Variants in DPP10 observed in about 807,000 individuals in gnomAD.
The protein encoded by DPP10 is inactive dipeptidyl peptidase 10.
Under a neutral mutation model 120.9 loss-of-function variants are expected in DPP10, and 33 were observed. That is an observed-to-expected ratio of 0.27 (90% CI 0.21 to 0.37). DPP10 has a LOEUF of 0.37. Ranked by LOEUF, DPP10 falls within the 10% of genes least tolerant of loss-of-function variation. DPP10 has a pLI of 1.00. For missense variants in DPP10, 816 were observed against 942.8 expected (o/e 0.87, Z 1.76); for synonymous variants, 337 against 326.1 (o/e 1.03, Z -0.36).
intron 1 of DPP10, among the ~76,000 whole-genome samples, chr2:115,207,483 G>A (rs182627398): frequency 2.1e-3 from 279 of 134,658 alleles, no homozygotes; most frequent in African/African-American, 7.3e-3. Context: ...AAACCGTTTA[G>A]TCAAATGTTT....
intron 1 of DPP10, among the ~76,000 whole-genome samples, chr2:115,003,011 G>A (rs755703919): frequency 6.6e-6 from 1 of 151,786 alleles, no homozygotes; most frequent in African/African-American, 2.4e-5. Flanking sequence ...TCATTACTGG[G>A]TATATACTCA....
At chr2:115,430,138 G>A (rs1482150554) in intron 3 of DPP10, among the ~76,000 whole-genome samples, 1 of 152,096 alleles carries the variant, frequency 6.6e-6, no homozygotes, top group East Asian at 1.9e-4. Context: ...GAGTGGATTT[G>A]GAACCGATTT....
chr2:115,788,455 A>G (rs1683577737), intron 17 of DPP10, among the ~76,000 whole-genome samples: 1 of 152,204 alleles, frequency 6.6e-6, no homozygotes, highest in African/African-American at 2.4e-5. Flanking sequence ...AATGTATGAA[A>G]CCAAAAGTTG....
chr2:114,704,707 T>C (rs1700583528), intron 1 of DPP10, among the ~76,000 whole-genome samples: 1 of 152,186 alleles, frequency 6.6e-6, no homozygotes, highest in Non-Finnish European at 1.5e-5. Flanking sequence ...ATGTGAAGTA[T>C]ACCTACAGGG....
chr2:114,818,034 C>G (rs1014418704), intron 1 of DPP10, among the ~76,000 whole-genome samples: 2 of 151,882 alleles, frequency 1.3e-5, no homozygotes, highest in East Asian at 1.9e-4. Context: ...AGAAACATTC[C>G]GAACTAAGGA....
intron 1 of DPP10, among the ~76,000 whole-genome samples, chr2:114,683,779 C>A (rs1699189300): frequency 6.6e-6 from 1 of 151,818 alleles, no homozygotes; most frequent in Admixed American, 6.6e-5. Flanking sequence ...CTTTCCCCTG[C>A]CATCCTAGCT....
In DPP10 at chr2:115,836,147, T is replaced by A; in HGVS notation, c.1951-10T>A. The A allele has an allele frequency of 6.9e-7, 1 of 1,456,676 alleles. No individual in the cohort carries two copies. Among genetic ancestry groups the A allele is most frequent in the Non-Finnish European group, 9.2e-7 (1 of 1,081,516 alleles). The allele number at this position is 1,456,676 out of a possible 1,614,324, so 90.2% of individuals were successfully genotyped here. A position where few individuals can be genotyped will look rare whatever the true frequency, so the allele number is the denominator to read the frequency against. On this transcript the variant is annotated splice_polypyrimidine_tract_variant and intron_variant, in intron 21 of 25. Coordinates refer to ENST00000410059, the MANE Select transcript of DPP10 (RefSeq NM_020868.6). ...ATATATATATATATATATATATTTT[T>A]CCCCCCCAGGGTTATGGTGGCTATA...
rs149800047 is a variant in DPP10 at position 114,858,083 on chromosome 2, G to A, written c.60+415245G>A. ...CAGCTCACTGTAACCTCCACCTCCCGGGTTCAAGCAGTTCTCCTGCCTCAG... is the reference window on the plus strand; with the variant it reads ...CAGCTCACTGTAACCTCCACCTCCCAGGTTCAAGCAGTTCTCCTGCCTCAG... On this transcript the variant is annotated intron_variant, in intron 1 of 25. Coordinates refer to ENST00000410059, the MANE Select transcript of DPP10 (RefSeq NM_020868.6). Among the ~76,000 whole-genome samples the A allele has an allele frequency of 3.0e-4, 46 of 152,172 alleles. 1 individual carries two copies. The East Asian group carries it at 5.6e-3, about 19-fold the overall frequency.
chr2:114,573,760 C>A (rs1384435699), intron 1 of DPP10, among the ~76,000 whole-genome samples: 1 of 152,222 alleles, frequency 6.6e-6, no homozygotes, highest in African/African-American at 2.4e-5. Flanking sequence ...ATAGCTAATT[C>A]TTGACTAACT....
At chr2:114,759,885 T>C (rs1426383390) in intron 1 of DPP10, among the ~76,000 whole-genome samples, 1 of 152,086 alleles carries the variant, frequency 6.6e-6, no homozygotes, top group Non-Finnish European at 1.5e-5. Context: ...CTCTGGAAAT[T>C]GAAGCAGACG....
At chr2:115,349,179 C>A (rs1254537182) in intron 3 of DPP10, among the ~76,000 whole-genome samples, 1 of 152,052 alleles carries the variant, frequency 6.6e-6, no homozygotes, top group Non-Finnish European at 1.5e-5. Flanking sequence ...TTATTTTGAT[C>A]TTATTGGACT....
chr2:115,644,284 G>A (rs2087037692), intron 5 of DPP10, among the ~76,000 whole-genome samples: 1 of 152,004 alleles, frequency 6.6e-6, no homozygotes, highest in Admixed American at 6.6e-5. Context: ...TTTACGTTAG[G>A]TATATCTCCT....
intron 1 of DPP10, among the ~76,000 whole-genome samples, chr2:114,697,473 G>A (rs950984893): frequency 1.4e-4 from 21 of 152,074 alleles, no homozygotes; most frequent in African/African-American, 5.1e-4. Flanking sequence ...GAAGTTGGCT[G>A]GGCACAGTGG....
At chr2:114,530,165 G>C (rs1455876281) in intron 1 of DPP10, among the ~76,000 whole-genome samples, 2 of 152,062 alleles carry the variant, frequency 1.3e-5, no homozygotes, top group Admixed American at 6.6e-5. Flanking sequence ...TTGCTCCAAA[G>C]CATTTATGAT....
At chr2:114,515,517 CAAAT>C (rs74545259) in intron 1 of DPP10, among the ~76,000 whole-genome samples, 23,214 of 152,044 alleles carry the variant, frequency 0.15, 1,879 homozygotes, top group East Asian at 0.24. Context: ...ACGTAGGTCT[CAAAT>C]AAAGGTGCCT....
chr2:114,676,873 T>C (rs965938528), intron 1 of DPP10, among the ~76,000 whole-genome samples: 7 of 152,114 alleles, frequency 4.6e-5, no homozygotes, highest in African/African-American at 1.7e-4. Flanking sequence ...TTGAATTCAA[T>C]TGAAAAATAT....
chr2:114,880,882 A>G (rs942648607), intron 1 of DPP10, among the ~76,000 whole-genome samples: 1 of 152,154 alleles, frequency 6.6e-6, no homozygotes, highest in African/African-American at 2.4e-5. Context: ...AAAGGGTATG[A>G]AAGTGAGAAA....
At chr2:115,488,899 A>T (rs1051850848) in intron 3 of DPP10, among the ~76,000 whole-genome samples, 5 of 149,814 alleles carry the variant, frequency 3.3e-5, no homozygotes, top group African/African-American at 9.8e-5. Context: ...AAAAAAAAAA[A>T]ATATGTATCT....
intron 1 of DPP10, among the ~76,000 whole-genome samples, chr2:114,541,689 C>T (rs1314450734): frequency 6.6e-6 from 1 of 152,048 alleles, no homozygotes; most frequent in Non-Finnish European, 1.5e-5. Context: ...TGGCATGTTA[C>T]CAAAGCACAT....
Sources: allele counts gnomAD v4.1 joint callset (sites outside exome capture counted in the v4.1 genomes callset), GRCh38; gene constraint gnomAD v4.1.1; transcripts MANE v1.5; gene names NCBI Gene and HGNC (gene_info 2026-07-23, HGNC 2026-07-21).